The following ADGRV1 variants were observed in gnomAD, a reference collection of about 807,000 sequenced individuals.
ADGRV1 encodes the protein G-protein coupled receptor 98.
ADGRV1 carries 359 observed loss-of-function variants against 596.2 expected under a neutral mutation model. The ratio of observed to expected loss-of-function variants is 0.60; its 90% CI spans 0.55 to 0.66. ADGRV1 has a LOEUF of 0.66. ADGRV1 is among the 30% of genes least tolerant of loss of function. ADGRV1 has a pLI of 0.00. For synonymous variants in ADGRV1, 2,681 were observed against 2,679.2 expected (o/e 1.00, Z -0.02); for missense variants, 7,274 against 7,575.6 (o/e 0.96, Z 1.48).
At chr5:91,049,117 A>G (rs1449201788) in intron 85 of ADGRV1, among the ~76,000 whole-genome samples, 2 of 152,170 alleles carry the variant, frequency 1.3e-5, no homozygotes, top group Non-Finnish European at 2.9e-5. Flanking sequence ...ATAATTATCC[A>G]TGTTAACAAA....
In ADGRV1 at chr5:90,564,708, G is replaced by A. The variant is rs1302498912; in HGVS notation, c.22+5791G>A. Among the ~76,000 whole-genome samples the A allele has an allele frequency of 2.2e-5, 2 of 89,054 alleles. 1 individual carries two copies. The highest frequency in any genetic ancestry group is 1.2e-4 in the African/African-American group (2 of 17,138). The allele number at this position is 89,054 out of a possible 152,430, so 58.4% of individuals were successfully genotyped here. A position where few individuals can be genotyped will look rare whatever the true frequency, so the allele number is the denominator to read the frequency against. ...GTGGCGCGATCTCGGCTCACTGCAAGCTCCGCCTCCCGGGTTCACGCCATT... is the reference window on the plus strand; with the variant it reads ...GTGGCGCGATCTCGGCTCACTGCAAACTCCGCCTCCCGGGTTCACGCCATT... On this transcript the variant is annotated intron_variant, in intron 1 of 89. Coordinates refer to ENST00000405460, the MANE Select transcript of ADGRV1 (RefSeq NM_032119.4).
At chr5:90,886,148 G>A (rs1770261397) in intron 83 of ADGRV1, among the ~76,000 whole-genome samples, 1 of 152,082 alleles carries the variant, frequency 6.6e-6, no homozygotes, top group Non-Finnish European at 1.5e-5. Context: ...GCTGGCTATT[G>A]GCACTATTTT....
rs758831011 is a variant in ADGRV1 at position 90,823,601 on chromosome 5, G to A, written c.16368+5G>A. The A allele has an allele frequency of 6.2e-7, 1 of 1,611,070 alleles. No homozygotes were observed. On this transcript the variant is annotated splice_donor_5th_base_variant and intron_variant, in intron 76 of 89. Transcript: ENST00000405460. Reference sequence around the variant, plus strand: ...ATTGAACTCAAACCAGAAAAGGTAAGAAATGAAGAGACACACTAGTGTCAA... The same window carrying A: ...ATTGAACTCAAACCAGAAAAGGTAAAAAATGAAGAGACACACTAGTGTCAA...
At chr5:91,152,940 A>G (rs1020453603) in intron 88 of ADGRV1, among the ~76,000 whole-genome samples, 2 of 152,188 alleles carry the variant, frequency 1.3e-5, no homozygotes, top group African/African-American at 4.8e-5. Flanking sequence ...ATTTAAGGCC[A>G]GGCATGGTGG....
At chr5:90,961,941 G>A (rs1439990966) in intron 83 of ADGRV1, among the ~76,000 whole-genome samples, 1 of 152,168 alleles carries the variant, frequency 6.6e-6, no homozygotes, top group Non-Finnish European at 1.5e-5. Flanking sequence ...GGTGGGCCAT[G>A]GAGTAAAACG....
At chr5:90,960,153 A>AC (rs1777886696) in intron 83 of ADGRV1, among the ~76,000 whole-genome samples, 1 of 144,454 alleles carries the variant, frequency 6.9e-6, no homozygotes, top group Non-Finnish European at 1.5e-5. Context: ...AAAAAAAAAA[A>AC]CAAAAAACAG....
At chr5:90,790,458 A>AT (rs559184844) in intron 69 of ADGRV1, among the ~76,000 whole-genome samples, 174 of 152,288 alleles carry the variant, frequency 1.1e-3, no homozygotes, top group African/African-American at 3.8e-3. Context: ...ATAATGATTG[A>AT]TTTTTTATAT....
intron 49 of ADGRV1, among the ~76,000 whole-genome samples, 188 bp downstream of exon 49, chr5:90,729,121 A>T (rs753961782): frequency 1.2e-4 from 18 of 152,152 alleles, no homozygotes; most frequent in Non-Finnish European, 2.4e-4. Context: ...TATACCCCTA[A>T]TCTTGTGTTC....
At chr5:90,736,247 T>G (rs1318828085) in intron 50 of ADGRV1, among the ~76,000 whole-genome samples, 1 of 152,126 alleles carries the variant, frequency 6.6e-6, no homozygotes, top group Non-Finnish European at 1.5e-5. Flanking sequence ...TTTTTCTTCT[T>G]TATTTTCTTA....
In ADGRV1 at chr5:90,856,081, A is replaced by G. The variant is rs75919837; in HGVS notation, c.17755+180A>G. On this transcript the variant is annotated intron_variant, in intron 82 of 89. Coordinates refer to ENST00000405460, the MANE Select transcript of ADGRV1 (RefSeq NM_032119.4). ...ATTCAACAAATATTTATGGAGGGCCATCTCTGTACTGAGGATACAGTAAAG... is the reference window on the plus strand; with the variant it reads ...ATTCAACAAATATTTATGGAGGGCCGTCTCTGTACTGAGGATACAGTAAAG... 5.7e-3 allele frequency among the ~76,000 whole-genome samples: 871 copies of G among 152,310 alleles called. 7 individuals are homozygous for G. The highest frequency in any genetic ancestry group is 0.02 in the African/African-American group (837 of 41,584).
Position 90,663,074 on chromosome 5 carries a change from G to A in ADGRV1, c.4752+4796G>A, listed in dbSNP as rs928407616. On this transcript the variant is annotated intron_variant, in intron 21 of 89. Transcript: ENST00000405460. ...GTGAATAATGCCGCAATAAACATAC[G>A]TGTGCATGTGTCTTTATAGCTGCAT... Among the ~76,000 whole-genome samples the A allele has an allele frequency of 1.6e-3, 236 of 149,882 alleles. 1 individual carries two copies. The highest frequency in any genetic ancestry group is 5.7e-3 in the African/African-American group (230 of 40,494).
At position 90,642,491 on chromosome 5, in the gene ADGRV1, C is replaced by T. The variant is rs1767094403; in HGVS notation, c.2241-145C>T. Reference sequence around the variant, plus strand: ...CTGTTTTGATCTTAAATGATTTCAACACACGTGAATTCACTTAAGGTCTAA... The same window carrying T: ...CTGTTTTGATCTTAAATGATTTCAATACACGTGAATTCACTTAAGGTCTAA... On this transcript the variant is annotated intron_variant, in intron 11 of 89. Transcript: ENST00000405460. 7 of 747,316 alleles carry T rather than the reference C, an allele frequency of 9.4e-6. No individual in the cohort carries two copies. The Admixed American group carries it at 1.9e-4, about 20-fold the overall frequency. The allele number at this position is 747,316 out of a possible 1,614,324, so 46.3% of individuals were successfully genotyped here.
chr5:90,826,653 G>A (rs763509770), intron 76 of ADGRV1, among the ~76,000 whole-genome samples: 7 of 151,860 alleles, frequency 4.6e-5, no homozygotes, highest in East Asian at 1.9e-4. Context: ...GATGGAGCCC[G>A]AGGGAATGCA....
chr5:90,713,126 C>T (rs902392028), intron 42 of ADGRV1, among the ~76,000 whole-genome samples: 1 of 151,982 alleles, frequency 6.6e-6, no homozygotes, highest in Non-Finnish European at 1.5e-5. Context: ...TGCTGACTGA[C>T]CCTTCAAACT....
Position 90,617,961 on chromosome 5 carries a change from C to T in ADGRV1, c.357+8C>T, listed in dbSNP as rs376004946. The T allele has an allele frequency of 1.0e-4, 154 of 1,531,564 alleles. 1 individual carries two copies. The highest frequency in any genetic ancestry group is 9.7e-4 in the African/African-American group (70 of 72,130). 94.9% of individuals were successfully genotyped at this position (1,531,564 alleles called of 1,614,324 possible). A position where few individuals can be genotyped will look rare whatever the true frequency, so the allele number is the denominator to read the frequency against. On this transcript the variant is annotated splice_region_variant and intron_variant, in intron 3 of 89. Transcript: ENST00000405460. ...TTTCACTTAACATTACAGGTAAGTC[C>T]GTGTTTCCTCCTTATAAAAATTATA...
intron 1 of ADGRV1, among the ~76,000 whole-genome samples, chr5:90,608,026 C>G (rs1311632421): frequency 6.6e-6 from 1 of 151,870 alleles, no homozygotes; most frequent in Non-Finnish European, 1.5e-5. Context: ...TAACAGGATA[C>G]TGTTAAATTC....
chr5:90,798,103 GA>G (rs745548066), intron 70 of ADGRV1, among the ~76,000 whole-genome samples: 5 of 151,954 alleles, frequency 3.3e-5, no homozygotes, highest in Non-Finnish European at 5.9e-5. Flanking sequence ...ATAGAGATAT[GA>G]AAAATGCTTC....
At chr5:90,971,494 G>A (rs1039495072) in intron 84 of ADGRV1, among the ~76,000 whole-genome samples, 1 of 152,232 alleles carries the variant, frequency 6.6e-6, no homozygotes, top group Non-Finnish European at 1.5e-5. Flanking sequence ...CAGACTAACA[G>A]CAGATCTCTC....
intron 55 of ADGRV1, among the ~76,000 whole-genome samples, chr5:90,755,942 G>T (rs976220954): frequency 6.6e-6 from 1 of 150,954 alleles, no homozygotes; most frequent in Non-Finnish European, 1.5e-5. Context: ...ATTTGGGAAA[G>T]ATATAAGGGA....
Sources: allele counts gnomAD v4.1 joint callset (sites outside exome capture counted in the v4.1 genomes callset), GRCh38; gene constraint gnomAD v4.1.1; transcripts MANE v1.5; gene names NCBI Gene and HGNC (gene_info 2026-07-23, HGNC 2026-07-21).